The following PKIG variants were observed in gnomAD, a reference collection of about 807,000 sequenced individuals.
PKIG encodes the protein protein kinase (cAMP-dependent, catalytic) inhibitor gamma.
A neutral mutation model predicts 6.8 loss-of-function variants in PKIG; 1 was observed. The ratio of observed to expected loss-of-function variants is 0.15; its 90% confidence interval spans 0.05 to 0.69. The LOEUF (loss-of-function observed/expected upper bound fraction) is 0.69, where lower values mean the gene tolerates loss of function less well. Among genes scored for constraint, PKIG ranks in the 30% least tolerant of loss-of-function variants. The pLI is 0.82. For synonymous variants in PKIG, 39 were observed against 43.0 expected (o/e 0.91, Z 0.36); for missense variants, 77 against 104.0 (o/e 0.74, Z 1.13).
At chr20:44,610,405 G>C (rs1364079164) in intron 2 of PKIG, among the ~76,000 whole-genome samples, 3 of 152,070 alleles carry the variant, frequency 2.0e-5, no homozygotes, top group African/African-American at 4.8e-5. Context: ...TGAGCTAGGT[G>C]TTGTGGGGGG....
At chr20:44,535,065 A>G (rs963294603) in intron 1 of PKIG, among the ~76,000 whole-genome samples, 25 of 152,254 alleles carry the variant, frequency 1.6e-4, no homozygotes, top group African/African-American at 6.0e-4. Flanking sequence ...ACAAAAAGCA[A>G]TAGCTTTATG....
intron 1 of PKIG, among the ~76,000 whole-genome samples, chr20:44,539,321 A>T (rs2064539833): frequency 6.6e-6 from 1 of 152,086 alleles, no homozygotes; most frequent in Non-Finnish European, 1.5e-5. Flanking sequence ...CTGATTGATG[A>T]TCTCTTAAAT....
At chr20:44,538,455 A>G (rs550770150) in intron 1 of PKIG, among the ~76,000 whole-genome samples, 3 of 152,328 alleles carry the variant, frequency 2.0e-5, no homozygotes, top group South Asian at 4.1e-4. Flanking sequence ...ATTATGGAAA[A>G]GTTTAAACAT....
At chr20:44,568,159 A>C (rs1048572268) in intron 1 of PKIG, among the ~76,000 whole-genome samples, 1 of 151,794 alleles carries the variant, frequency 6.6e-6, no homozygotes, top group Non-Finnish European at 1.5e-5. Context: ...TAAATAAATA[A>C]CTCTGATATA....
At chr20:44,544,834 C>CTA (rs1409630333) in intron 1 of PKIG, among the ~76,000 whole-genome samples, 2 of 151,916 alleles carry the variant, frequency 1.3e-5, no homozygotes, top group East Asian at 3.9e-4. Flanking sequence ...ACAATGTCAG[C>CTA]TATACCCTGT....
chr20:44,538,394 G>A lies in PKIG; in HGVS notation c.-241+6416G>A, dbSNP rs530592137. ...CCCTCTCAGATACTATATCTAATAAGTCCTGGAGTTTGAATCCAGGTTTTA... is the reference window on the plus strand; with the variant it reads ...CCCTCTCAGATACTATATCTAATAAATCCTGGAGTTTGAATCCAGGTTTTA... On this transcript the variant is annotated intron_variant, in intron 1 of 4. Transcript: ENST00000372887. Among the ~76,000 whole-genome samples, 13 of 152,244 alleles carry A rather than the reference G, an allele frequency of 8.5e-5. No homozygotes were observed. The East Asian group carries it at 2.3e-3, about 27-fold the overall frequency.
intron 1 of PKIG, among the ~76,000 whole-genome samples, chr20:44,536,506 C>G (rs1321329254): frequency 6.6e-6 from 1 of 152,112 alleles, no homozygotes; most frequent in Non-Finnish European, 1.5e-5. Flanking sequence ...ATCAACAGGA[C>G]TTGACCAACA....
At chr20:44,583,987 A>G (rs2064968956) in intron 1 of PKIG, among the ~76,000 whole-genome samples, 1 of 152,148 alleles carries the variant, frequency 6.6e-6, no homozygotes, top group Admixed American at 6.5e-5. Flanking sequence ...TCTCAGTGGT[A>G]ACTGTATGTG....
intron 2 of PKIG, among the ~76,000 whole-genome samples, chr20:44,599,341 T>C (rs1000953074): frequency 6.6e-6 from 1 of 152,222 alleles, no homozygotes; most frequent in African/African-American, 2.4e-5. Context: ...TCTTTTGTAC[T>C]ATGGGATAAT....
Position 44,607,359 on chromosome 20 carries a change from GTATA to G in PKIG, c.-23-7159_-23-7156del, listed in dbSNP as rs1265371034. ...TGTGTGTGTATATGTGTGTGTGTGT[GTATA>G]TATATATATATATATTTTTTTTTTT... On this transcript the variant is annotated intron_variant, in intron 2 of 3. Transcript: ENST00000372886. 1.5e-3 allele frequency among the ~76,000 whole-genome samples: 189 copies of G among 128,960 alleles called. 5 individuals carry two copies. Among genetic ancestry groups the G allele is most frequent in the Middle Eastern group, 3.9e-3 (1 of 256 alleles). The allele number at this position is 128,960 out of a possible 152,430, so 84.6% of individuals were successfully genotyped here. A position where few individuals can be genotyped will look rare whatever the true frequency, so the allele number is the denominator to read the frequency against.
At chr20:44,600,669 G>A (rs1004167896) in intron 2 of PKIG, among the ~76,000 whole-genome samples, 1 of 151,650 alleles carries the variant, frequency 6.6e-6, no homozygotes, top group Non-Finnish European at 1.5e-5. Flanking sequence ...AGCATCGTAA[G>A]ACCCTGTCTC....
Position 44,573,578 on chromosome 20 carries a change from G to A in PKIG, c.-240-9007G>A, listed in dbSNP as rs73615488. On this transcript the variant is annotated intron_variant, in intron 1 of 4. Transcript: ENST00000372887. Reference sequence around the variant, plus strand: ...ACTTTCTGGACTATACCGAACAAATGGAATGCAAAGGAGAAGTAGGGTAAT... The same window carrying A: ...ACTTTCTGGACTATACCGAACAAATAGAATGCAAAGGAGAAGTAGGGTAAT... 6.3e-3 allele frequency among the ~76,000 whole-genome samples: 952 copies of A among 152,310 alleles called. 11 individuals carry two copies. In the East Asian group the frequency reaches 0.065, roughly 10 times the overall value.
intron 2 of PKIG, among the ~76,000 whole-genome samples, chr20:44,610,615 A>G (rs963538538): frequency 3.9e-5 from 6 of 152,146 alleles, no homozygotes; most frequent in Admixed American, 2.0e-4. Flanking sequence ...GCATTGCACA[A>G]TAATTTGGGT....
At chr20:44,599,546 A>G (rs979028920) in intron 2 of PKIG, among the ~76,000 whole-genome samples, 8 of 151,980 alleles carry the variant, frequency 5.3e-5, no homozygotes, top group Non-Finnish European at 1.0e-4. Context: ...ACATGGTGAA[A>G]CCCTGTCTCT....
intron 1 of PKIG, among the ~76,000 whole-genome samples, chr20:44,574,302 G>A (rs574020500): frequency 1.2e-4 from 18 of 152,074 alleles, no homozygotes; most frequent in African/African-American, 4.1e-4. Context: ...GTTTGATCTA[G>A]CATTTATCTC....
chr20:44,533,946 G>A (rs1321124582), intron 1 of PKIG, among the ~76,000 whole-genome samples: 3 of 152,196 alleles, frequency 2.0e-5, no homozygotes, highest in African/African-American at 7.2e-5. Flanking sequence ...TCATTGAGCA[G>A]ATTTGGTGAA....
chr20:44,535,514 G>A (rs531833770), intron 1 of PKIG, among the ~76,000 whole-genome samples: 11 of 152,218 alleles, frequency 7.2e-5, no homozygotes, highest in African/African-American at 2.2e-4. Flanking sequence ...AGTGGTGCAC[G>A]CCTGTAGTCC....
intron 2 of PKIG, among the ~76,000 whole-genome samples, chr20:44,597,265 C>T (rs1219347742): frequency 6.6e-6 from 1 of 150,674 alleles, no homozygotes; most frequent in Non-Finnish European, 1.5e-5. Flanking sequence ...CCAGATCCCC[C>T]CACCTGGCTT....
intron 2 of PKIG, among the ~76,000 whole-genome samples, chr20:44,592,249 C>T (rs1027202555): frequency 2.6e-5 from 4 of 152,092 alleles, no homozygotes; most frequent in African/African-American, 9.7e-5. Flanking sequence ...GGAGAAGGGC[C>T]GGAGTCTGGA....
Sources: gnomAD v4.1 joint callset for allele counts (sites outside exome capture counted in the v4.1 genomes callset) on GRCh38, gnomAD v4.1.1 for gene constraint, MANE v1.5 for transcripts, NCBI Gene and HGNC (gene_info 2026-07-23, HGNC 2026-07-21) for gene names.